The following MOCOS variants were observed in gnomAD, a reference collection of about 807,000 sequenced individuals.
The protein encoded by MOCOS is human molybdenum cofactor sulfurase.
Under a neutral mutation model 83.6 loss-of-function variants are expected in MOCOS, and 86 were observed. The observed-to-expected ratio is 1.03, with a 90% confidence interval of 0.86 to 1.23. The LOEUF is 1.23. Ranked by LOEUF, MOCOS falls within the 50% of genes most tolerant of loss-of-function variation. The pLI, the probability that MOCOS is intolerant of heterozygous loss-of-function variation, is 0.00. For missense variants in MOCOS, 1,120 were observed against 1,126.9 expected (o/e 0.99, Z 0.09); for synonymous variants, 445 against 434.7 (o/e 1.02, Z -0.29).
intron 11 of MOCOS, among the ~76,000 whole-genome samples, chr18:36,255,463 C>T (rs954560857): frequency 6.6e-6 from 1 of 152,148 alleles, no homozygotes; most frequent in African/African-American, 2.4e-5. Context: ...TTTCTCAGCT[C>T]GGACTCCAGG....
intron 11 of MOCOS, among the ~76,000 whole-genome samples, chr18:36,252,187 C>T (rs1244839630): frequency 6.6e-6 from 1 of 151,976 alleles, no homozygotes; most frequent in Non-Finnish European, 1.5e-5. Context: ...TATTACCTGG[C>T]CTAGTGATCA....
At chr18:36,204,627 T>C (rs866903927) in intron 5 of MOCOS, among the ~76,000 whole-genome samples, 11 of 152,190 alleles carry the variant, frequency 7.2e-5, no homozygotes, top group Admixed American at 7.2e-4. Flanking sequence ...TACCATCCAC[T>C]ATTTACACAC....
intron 7 of MOCOS, among the ~76,000 whole-genome samples, chr18:36,214,899 A>G (rs2091469709): frequency 6.6e-6 from 1 of 152,178 alleles, no homozygotes; most frequent in South Asian, 2.1e-4. Flanking sequence ...TGCTCCATGC[A>G]CTGTGCTGAC....
chr18:36,202,505 T>C (rs980815967), intron 4 of MOCOS, among the ~76,000 whole-genome samples: 3 of 152,050 alleles, frequency 2.0e-5, no homozygotes, highest in African/African-American at 7.3e-5. Context: ...CCCTAGGAAA[T>C]TTAGAGCAGC....
intron 10 of MOCOS, among the ~76,000 whole-genome samples, chr18:36,249,832 A>G (rs1446866214): frequency 6.6e-6 from 1 of 152,170 alleles, no homozygotes; most frequent in Non-Finnish European, 1.5e-5. Context: ...GACATCTCTC[A>G]GGTTTCTAAA....
Position 36,270,223 on chromosome 18 carries a change from A to G in MOCOS, c.*1538A>G, listed in dbSNP as rs2091694856. 6.6e-6 allele frequency: 1 copy of G among 152,196 alleles called. No individual in the cohort carries two copies. Among genetic ancestry groups the G allele is most frequent in the Non-Finnish European group, 1.5e-5 (1 of 68,046 alleles). The allele number at this position is 152,196 out of a possible 1,614,324, so 9.4% of individuals were successfully genotyped here. On this transcript the variant is annotated 3_prime_UTR_variant, in exon 15 of 15. Coordinates refer to ENST00000261326, the MANE Select transcript of MOCOS (RefSeq NM_017947.4). ...CAAAGACTCAGCACTGCCACATCAT[A>G]TGAGTGGACTTGTCCTCATCAGCTA...
At position 36,271,695 on chromosome 18, in the gene MOCOS, T is replaced by C. The variant is rs1287072132; in HGVS notation, c.*3010T>C. 1 of 152,190 alleles carries C rather than the reference T, an allele frequency of 6.6e-6. No homozygotes were observed. The highest frequency in any genetic ancestry group is 1.5e-5 in the Non-Finnish European group (1 of 68,034). 9.4% of individuals were successfully genotyped at this position (152,190 alleles called of 1,614,324 possible). Reference sequence around the variant, plus strand: ...AGACAATAACTTGTCTTTCTGGGCATTCGCGTCATGGTCCTTTTAGCCAGA... The same window carrying C: ...AGACAATAACTTGTCTTTCTGGGCACTCGCGTCATGGTCCTTTTAGCCAGA... On this transcript the variant is annotated 3_prime_UTR_variant, in exon 15 of 15. Transcript: ENST00000261326.
intron 4 of MOCOS, among the ~76,000 whole-genome samples, chr18:36,201,013 C>T (rs147658110): frequency 8.1e-4 from 124 of 152,336 alleles, no homozygotes; most frequent in African/African-American, 2.9e-3. Context: ...ATGCTCAGGA[C>T]TCTTTCAAAT....
chr18:36,202,006 G>C (rs908897027), intron 4 of MOCOS, among the ~76,000 whole-genome samples: 1 of 152,154 alleles, frequency 6.6e-6, no homozygotes, highest in Non-Finnish European at 1.5e-5. Context: ...GGCATGAATG[G>C]GCTGGGGGGG....
chr18:36,243,489 T>C (rs570847851), intron 9 of MOCOS, among the ~76,000 whole-genome samples: 89 of 152,348 alleles, frequency 5.8e-4, no homozygotes, highest in Non-Finnish European at 7.9e-4. Context: ...CTTATCTTTA[T>C]GATATGCTGT....
chr18:36,203,162 G>A lies in MOCOS; in HGVS notation c.991G>A (p.Gly331Arg). The change falls in exon 5 of 15, where the codon GGA (glycine) becomes AGA (arginine). Residue 331 changes from glycine to arginine, a missense_variant. By Grantham distance (125) the Gly-to-Arg change is moderately radical (BLOSUM62 -2). Coordinates refer to ENST00000261326, the MANE Select transcript of MOCOS (RefSeq NM_017947.4). Reference protein sequence around the residue: ...SFLDVIALKHGFDTLERLTGG... With the variant: ...SFLDVIALKHRFDTLERLTGG... ...CCTTGATGTTATCGCGCTAAAACATGGATTTGACACCCTAGAGCGCCTCAC... is the reference window on the plus strand; with the variant it reads ...CCTTGATGTTATCGCGCTAAAACATAGATTTGACACCCTAGAGCGCCTCAC... 1.9e-6 allele frequency: 3 copies of A among 1,614,146 alleles called. No homozygotes were observed. The highest frequency in any genetic ancestry group is 2.2e-5 in the East Asian group (1 of 44,884).
intron 9 of MOCOS, among the ~76,000 whole-genome samples, chr18:36,248,158 G>A (rs9952999): frequency 1.3e-5 from 2 of 152,006 alleles, no homozygotes; most frequent in African/African-American, 4.8e-5. Flanking sequence ...ACTGGGGTAA[G>A]ATCTCATTGT....
chr18:36,266,832 TTC>T lies in MOCOS; in HGVS notation c.2495_2496del (p.Ser832Ter). On this transcript the variant is annotated frameshift_variant, in exon 14 of 15. Coordinates refer to ENST00000261326, the MANE Select transcript of MOCOS (RefSeq NM_017947.4). LOFTEE classifies it low-confidence loss of function (END_TRUNC). ...GAAACCAGCATGTTTTCCAAAAACT[TTC>T]TGAGAGTCGTGAAACAAAGGTAAGC... ...QRNQHVFQKLSESRETKVNFG... is the reference protein window; with the variant it reads ...QRNQHVFQKLXESRETKVNFG... 2 of 1,614,078 alleles carry T rather than the reference TTC, an allele frequency of 1.2e-6. No individual in the cohort carries two copies. The highest frequency in any genetic ancestry group is 8.5e-7 in the Non-Finnish European group (1 of 1,179,994).
intron 1 of MOCOS, among the ~76,000 whole-genome samples, chr18:36,191,341 G>A (rs1425447478): frequency 6.6e-6 from 1 of 152,216 alleles, no homozygotes; most frequent in East Asian, 1.9e-4. Flanking sequence ...AATCACCAGG[G>A]AGCCTCCCTC....
chr18:36,233,596 C>T (rs913621640), intron 9 of MOCOS, among the ~76,000 whole-genome samples: 1 of 152,126 alleles, frequency 6.6e-6, no homozygotes, highest in Non-Finnish European at 1.5e-5. Context: ...ACTTTTAGTT[C>T]TTTAAGGAAA....
intron 1 of MOCOS, among the ~76,000 whole-genome samples, chr18:36,194,609 G>A (rs964361265): frequency 3.3e-5 from 5 of 152,192 alleles, no homozygotes; most frequent in African/African-American, 1.2e-4. Context: ...AGCATGAACT[G>A]ATGTTGCCAA....
chr18:36,240,719 G>C (rs1197055521), intron 9 of MOCOS, among the ~76,000 whole-genome samples: 17 of 152,230 alleles, frequency 1.1e-4, no homozygotes, highest in Non-Finnish European at 2.4e-4. Flanking sequence ...AATGGTGGGC[G>C]CCCCTCCCCC....
At chr18:36,235,151 C>CT (rs1480898404) in intron 9 of MOCOS, among the ~76,000 whole-genome samples, 2,379 of 151,572 alleles carry the variant, frequency 0.016, 58 homozygotes, top group African/African-American at 0.054. Flanking sequence ...TATTATTATA[C>CT]TTTAAGTTTT....
chr18:36,203,990 T>A (rs2091424820), intron 5 of MOCOS, among the ~76,000 whole-genome samples: 1 of 152,244 alleles, frequency 6.6e-6, no homozygotes, highest in South Asian at 2.1e-4. Flanking sequence ...ATGCAAAGGT[T>A]GACTGTACCA....
Sources: gnomAD v4.1 joint callset for allele counts (sites outside exome capture counted in the v4.1 genomes callset) on GRCh38, gnomAD v4.1.1 for gene constraint, MANE v1.5 for transcripts, NCBI Gene and HGNC (gene_info 2026-07-23, HGNC 2026-07-21) for gene names.